ABHD17C: variants seen among roughly 807,000 people sequenced by gnomAD.
The protein encoded by ABHD17C is abhydrolase domain containing 17C, depalmitoylase.
ABHD17C carries 11 observed loss-of-function variants against 27.9 expected under a neutral mutation model. The ratio of observed to expected loss-of-function variants is 0.39; its 90% CI spans 0.25 to 0.65. ABHD17C has a LOEUF of 0.65. Ranked by LOEUF, ABHD17C falls within the 30% of genes least tolerant of loss-of-function variation. The pLI, the probability that ABHD17C is intolerant of heterozygous loss-of-function variation, is 0.45. For missense variants in ABHD17C, 280 were observed against 470.2 expected (o/e 0.60, Z 3.74); for synonymous variants, 233 against 209.1 (o/e 1.11, Z -0.98).
chr15:80,737,412 T>A (rs1015946764), intron 1 of ABHD17C, among the ~76,000 whole-genome samples: 4 of 152,254 alleles, frequency 2.6e-5, no homozygotes, highest in Admixed American at 6.5e-5. Flanking sequence ...ACTGGAATGA[T>A]GACTGTGTCT....
intron 1 of ABHD17C, among the ~76,000 whole-genome samples, chr15:80,698,827 C>G (rs58664603): frequency 0.013 from 1,948 of 152,358 alleles, 28 homozygotes; most frequent in African/African-American, 0.045. Flanking sequence ...CCAGCCATCC[C>G]CCATGTCTTC....
In ABHD17C at chr15:80,754,702, A is replaced by G. The variant is rs1201876236; in HGVS notation, c.*332A>G. 1 of 212,796 alleles carries G rather than the reference A, an allele frequency of 4.7e-6. No homozygotes were observed. The highest frequency in any genetic ancestry group is 1.2e-4 in the East Asian group (1 of 8,576). The allele number at this position is 212,796 out of a possible 1,614,324, so 13.2% of individuals were successfully genotyped here. A position where few individuals can be genotyped will look rare whatever the true frequency, so the allele number is the denominator to read the frequency against. On this transcript the variant is annotated 3_prime_UTR_variant, in exon 3 of 3. Transcript: ENST00000258884. The stretch of plus-strand genomic sequence containing the variant: ...ACCTTATCCATCATTTCTGACATTC[A>G]TGCAGGACTTGCCCTGTTGCCACCA...
chr15:80,709,550 C>T (rs776392335), intron 1 of ABHD17C, among the ~76,000 whole-genome samples: 9 of 152,078 alleles, frequency 5.9e-5, no homozygotes, highest in Non-Finnish European at 1.0e-4. Flanking sequence ...TGTTGGCCTC[C>T]AGGATATAGT....
chr15:80,745,853 C>T (rs1895275585), intron 1 of ABHD17C, among the ~76,000 whole-genome samples: 1 of 152,222 alleles, frequency 6.6e-6, no homozygotes, highest in Non-Finnish European at 1.5e-5. Context: ...TCTTTATCCA[C>T]TCTGCTGTTG....
intron 1 of ABHD17C, among the ~76,000 whole-genome samples, chr15:80,726,137 C>G (rs7174038): frequency 0.33 from 50,344 of 152,208 alleles, 10,257 homozygotes; most frequent in Non-Finnish European, 0.47. Context: ...TTAACTGCAG[C>G]AGGAGCATGT....
chr15:80,731,131 C>T (rs1293606737), intron 1 of ABHD17C, among the ~76,000 whole-genome samples: 1 of 152,162 alleles, frequency 6.6e-6, no homozygotes, highest in Non-Finnish European at 1.5e-5. Flanking sequence ...ATCTGGCACG[C>T]AGAACCCCAA....
rs779474573 is a variant in ABHD17C, at chr15:80,695,486, C to G, written c.57C>G (p.Leu19=). ...TCTCGCTGGGTGAGCTGTGCTGGCT[C>G]TTCTGCTGCCCGCCCTGCCCGAGCC... ...NGFSLGELCW[L]FCCPPCPSRI... Residue 19 remains leucine (L), a synonymous_variant, in exon 1 of 3, where the codon CTC becomes CTG. Coordinates refer to ENST00000258884, the MANE Select transcript of ABHD17C (RefSeq NM_021214.2). This position sits in a 1 kb window ranked among gnomAD's most constrained non-coding sequence, Gnocchi z 4.3. 3 of 1,394,806 alleles carry G rather than the reference C, an allele frequency of 2.2e-6. No homozygotes were observed. In the South Asian group the frequency reaches 3.8e-5, roughly 18 times the overall value. 86.4% of individuals were successfully genotyped at this position (1,394,806 alleles called of 1,614,324 possible).
At position 80,702,994 on chromosome 15, in the gene ABHD17C, C is replaced by A. The variant is rs559798891; in HGVS notation, c.590+6975C>A. ...GTTTTGTGCAGCTGTAACAGAAGAT[C>A]TGCGACTGGATAGTTTATAAAGAAA... On this transcript the variant is annotated intron_variant, in intron 1 of 2. Coordinates refer to ENST00000258884, the MANE Select transcript of ABHD17C (RefSeq NM_021214.2). The A allele has an allele frequency of 2.6e-5, 4 of 152,348 alleles. No individual in the cohort carries two copies. The South Asian group carries it at 8.3e-4, about 32-fold the overall frequency. The allele number at this position is 152,348 out of a possible 1,614,324, so 9.4% of individuals were successfully genotyped here. A position where few individuals can be genotyped will look rare whatever the true frequency, so the allele number is the denominator to read the frequency against.
chr15:80,754,401 G>T lies in ABHD17C; in HGVS notation c.*31G>T. ...ACAACTTGATCTTACCTCATTTACT[G>T]TGAACAGAAGAGTCCTCTGTTTTGC... is the stretch of plus-strand genomic sequence containing the variant. On this transcript the variant is annotated 3_prime_UTR_variant, in exon 3 of 3. Coordinates refer to ENST00000258884, the MANE Select transcript of ABHD17C (RefSeq NM_021214.2). 6.4e-7 allele frequency: 1 copy of T among 1,568,802 alleles called. No homozygotes were observed. Among genetic ancestry groups the T allele is most frequent in the Non-Finnish European group, 8.7e-7 (1 of 1,148,768 alleles).
Position 80,755,437 on chromosome 15 carries a change from T to C in ABHD17C, c.*1067T>C, listed in dbSNP as rs1244351071. The C allele has an allele frequency of 1.3e-5, 2 of 152,100 alleles. No homozygotes were observed. The highest frequency in any genetic ancestry group is 3.9e-4 in the East Asian group (2 of 5,192). The allele number at this position is 152,100 out of a possible 1,614,324, so 9.4% of individuals were successfully genotyped here. ...GCTTAACATTGCTATACTACTTGTG[T>C]TGGTTAGGGGTTTGGATTTGGGGGT... is the stretch of plus-strand genomic sequence containing the variant. On this transcript the variant is annotated 3_prime_UTR_variant, in exon 3 of 3. Transcript: ENST00000258884.
intron 1 of ABHD17C, among the ~76,000 whole-genome samples, chr15:80,715,379 T>A (rs1894790282): frequency 6.6e-6 from 1 of 152,194 alleles, no homozygotes; most frequent in Admixed American, 6.5e-5. Context: ...GCAAGGACAG[T>A]AGAGCCAGAC....
At chr15:80,744,478 C>G (rs750207293) in intron 1 of ABHD17C, among the ~76,000 whole-genome samples, 84 of 152,326 alleles carry the variant, frequency 5.5e-4, no homozygotes, top group Non-Finnish European at 9.0e-4. Flanking sequence ...ACAGAATTAT[C>G]TACCTCCTTG....
intron 1 of ABHD17C, among the ~76,000 whole-genome samples, chr15:80,742,732 A>C (rs535373493): frequency 6.6e-6 from 1 of 152,228 alleles, no homozygotes; most frequent in South Asian, 2.1e-4. Context: ...TGATAGTAAG[A>C]CTAGAGCTTG....
rs568336333 is a variant in ABHD17C, at chr15:80,722,743, C to G, written c.590+26724C>G. On this transcript the variant is annotated intron_variant, in intron 1 of 2. Coordinates refer to ENST00000258884, the MANE Select transcript of ABHD17C (RefSeq NM_021214.2). ...CATTACTGTCTCCCCTAACGCCTGG[C>G]AACCACCATTCTACTCTGTGCTTCA... Among the ~76,000 whole-genome samples the G allele has an allele frequency of 8.1e-4, 123 of 152,312 alleles. 2 individuals are homozygous for G. Among genetic ancestry groups the G allele is most frequent in the African/African-American group, 2.8e-3 (118 of 41,576 alleles).
chr15:80,745,947 G>T (rs1474132604), intron 1 of ABHD17C, among the ~76,000 whole-genome samples: 2 of 152,120 alleles, frequency 1.3e-5, no homozygotes, highest in African/African-American at 4.8e-5. Context: ...TTTGTGTGTT[G>T]AATTTATCTC....
intron 1 of ABHD17C, among the ~76,000 whole-genome samples, chr15:80,738,184 A>AGACT (rs1895159965): frequency 6.6e-6 from 1 of 152,184 alleles, no homozygotes. Flanking sequence ...GTAGGCCATC[A>AGACT]GAGTGTATGC....
intron 1 of ABHD17C, among the ~76,000 whole-genome samples, chr15:80,731,411 CT>C (rs1354633981): frequency 2.0e-5 from 3 of 151,312 alleles, no homozygotes; most frequent in Non-Finnish European, 2.9e-5. Context: ...CTTTGTTGTA[CT>C]TTTTAAAAAT....
At chr15:80,712,153 T>C (rs897528126) in intron 1 of ABHD17C, among the ~76,000 whole-genome samples, 7 of 152,230 alleles carry the variant, frequency 4.6e-5, no homozygotes, top group Non-Finnish European at 1.0e-4. Flanking sequence ...GTACCTGGAC[T>C]CCTCCGTTGG....
intron 1 of ABHD17C, among the ~76,000 whole-genome samples, chr15:80,698,102 T>TCGCCCAGGCTGGAGTGC: frequency 6.9e-6 from 1 of 145,764 alleles, no homozygotes. Flanking sequence ...TCTTGCTCTG[T>TCGCCCAGGCTGGAGTGC]CGCCCAGGCT....
Sources: gnomAD v4.1 joint callset for allele counts (sites outside exome capture counted in the v4.1 genomes callset) on GRCh38, gnomAD v4.1.1 for gene constraint, Gnocchi (gnomAD v3.1) non-coding constraint, MANE v1.5 for transcripts, NCBI Gene and HGNC (gene_info 2026-07-23, HGNC 2026-07-21) for gene names.